DOCK4: variants seen among roughly 807,000 people sequenced by gnomAD.
DOCK4 encodes dedicator of cytokinesis 4, also known as dedicator of cytokinesis protein 4.
Under a neutral mutation model 268.1 loss-of-function variants are expected in DOCK4, and 97 were observed. The ratio of observed to expected loss-of-function variants is 0.36; its 90% CI spans 0.31 to 0.43. The LOEUF (loss-of-function observed/expected upper bound fraction) is 0.43, where lower values mean the gene tolerates loss of function less well. Ranked by LOEUF, DOCK4 falls within the 20% of genes least tolerant of loss-of-function variation. The pLI is 1.00. For missense variants in DOCK4, 2,145 were observed against 2,455.7 expected (o/e 0.87, Z 2.67); for synonymous variants, 954 against 887.2 (o/e 1.08, Z -1.34).
At chr7:111,748,126 G>A (rs1796394768) in intron 42 of DOCK4, among the ~76,000 whole-genome samples, 1 of 152,192 alleles carries the variant, frequency 6.6e-6, no homozygotes, top group African/African-American at 2.4e-5. Context: ...ATGTCATTGG[G>A]ACTGCTATTG....
At chr7:112,148,898 A>G (rs2116366260) in intron 1 of DOCK4, among the ~76,000 whole-genome samples, 1 of 152,302 alleles carries the variant, frequency 6.6e-6, no homozygotes, top group East Asian at 1.9e-4. Context: ...AAAAGAGGTA[A>G]CATGAACCCC....
chr7:111,916,132 A>G (rs1244414528), intron 12 of DOCK4, among the ~76,000 whole-genome samples: 1 of 152,186 alleles, frequency 6.6e-6, no homozygotes, highest in Non-Finnish European at 1.5e-5. Flanking sequence ...GGAGAAAATG[A>G]GCAGAACTCT....
intron 13 of DOCK4, among the ~76,000 whole-genome samples, chr7:111,911,616 C>G (rs74434359): frequency 6.6e-6 from 1 of 152,142 alleles, no homozygotes; most frequent in African/African-American, 2.4e-5. Context: ...GGGACAGAAA[C>G]GAGCCTTATT....
intron 41 of DOCK4, among the ~76,000 whole-genome samples, chr7:111,757,255 G>A (rs1242635132): frequency 1.2e-4 from 18 of 152,054 alleles, no homozygotes; most frequent in Admixed American, 1.2e-3. Flanking sequence ...TAGGGAGATT[G>A]CTGCGCCACT....
chr7:111,873,421 G>A (rs1207928001), intron 17 of DOCK4, among the ~76,000 whole-genome samples: 2 of 152,334 alleles, frequency 1.3e-5, no homozygotes, highest in East Asian at 3.9e-4. Flanking sequence ...CTGAAGGCTC[G>A]CGTGTGCCGA....
chr7:112,066,691 A>ATGTATGTATGTATGTGTG (rs1807053188), intron 1 of DOCK4, among the ~76,000 whole-genome samples: 1 of 6,126 alleles, frequency 1.6e-4, no homozygotes, highest in African/African-American at 3.5e-4. Flanking sequence ...ATACATATAC[A>ATGTATGTATGTATGTGTG]TATATATATA....
intron 1 of DOCK4, among the ~76,000 whole-genome samples, chr7:112,139,135 C>T (rs1814648798): frequency 1.3e-5 from 2 of 152,068 alleles, no homozygotes; most frequent in South Asian, 4.1e-4. Flanking sequence ...AGATAAGAAA[C>T]CGGTAGCTTC....
At chr7:111,756,759 A>AC (rs1465585842) in intron 41 of DOCK4, among the ~76,000 whole-genome samples, 1 of 149,746 alleles carries the variant, frequency 6.7e-6, no homozygotes, top group Admixed American at 6.7e-5. Flanking sequence ...AACCACAACA[A>AC]AAAAAAAAAT....
Position 112,077,876 on chromosome 7 carries a change from A to G in DOCK4, c.38-73745T>C, listed in dbSNP as rs61662262. Among the ~76,000 whole-genome samples the G allele has an allele frequency of 3.7e-3, 557 of 152,260 alleles. 2 individuals are homozygous for G. Among genetic ancestry groups the G allele is most frequent in the African/African-American group, 0.013 (524 of 41,566 alleles). On this transcript the variant is annotated intron_variant, in intron 1 of 52. Coordinates refer to ENST00000428084, the MANE Select transcript of DOCK4 (RefSeq NM_001363540.2). Reference sequence around the variant, plus strand: ...TTAATAGGTTTGCTAAAAATATAATAAATTTAATGTATAAAAGGTAGCTAA... The same window carrying G: ...TTAATAGGTTTGCTAAAAATATAATGAATTTAATGTATAAAAGGTAGCTAA...
At chr7:111,847,541 C>T (rs1804209870) in intron 23 of DOCK4, among the ~76,000 whole-genome samples, 1 of 152,016 alleles carries the variant, frequency 6.6e-6, no homozygotes, top group Non-Finnish European at 1.5e-5. Flanking sequence ...GAATTGTTCC[C>T]ATCATTCCCA....
At chr7:111,744,619 T>A (rs530035593) in intron 44 of DOCK4, among the ~76,000 whole-genome samples, 2 of 152,334 alleles carry the variant, frequency 1.3e-5, no homozygotes, top group African/African-American at 4.8e-5. Flanking sequence ...TCAGGCTGAA[T>A]CCAGCAGATA....
At chr7:112,091,133 T>C (rs1300606624) in intron 1 of DOCK4, among the ~76,000 whole-genome samples, 2 of 152,122 alleles carry the variant, frequency 1.3e-5, no homozygotes, top group African/African-American at 4.8e-5. Flanking sequence ...CCACCAGGGA[T>C]TGTGTACTAG....
chr7:111,949,285 G>A (rs1224647846), intron 8 of DOCK4, among the ~76,000 whole-genome samples: 2 of 152,094 alleles, frequency 1.3e-5, no homozygotes, highest in East Asian at 3.8e-4. Flanking sequence ...AGTCAATAGG[G>A]CATTTTCAAT....
chr7:111,971,545 G>A lies in DOCK4; in HGVS notation c.701+5587C>T, dbSNP rs1797714017. On this transcript the variant is annotated intron_variant, in intron 8 of 52. Transcript: ENST00000428084. ...TAGTTCAATGGGATCCATGTCATGTGCAGTTACCATCAGTTGAGCCTTCTT... is the reference window on the plus strand; with the variant it reads ...TAGTTCAATGGGATCCATGTCATGTACAGTTACCATCAGTTGAGCCTTCTT... The A allele has an allele frequency of 2.1e-5, 4 of 190,346 alleles. No individual in the cohort carries two copies. In the South Asian group the frequency reaches 3.8e-4, roughly 18 times the overall value. The allele number at this position is 190,346 out of a possible 1,614,324, so 11.8% of individuals were successfully genotyped here.
In DOCK4 at chr7:111,863,328, A is replaced by G; in HGVS notation, c.2473+44T>C. 3 of 1,609,276 alleles carry G rather than the reference A, an allele frequency of 1.9e-6. No homozygotes were observed. In the South Asian group the frequency reaches 3.3e-5, roughly 18 times the overall value. ...GACCAATGGCTACAAAATATACAAAATGGCTTTTCAGAGGCACAATTTCCT... is the reference window on the plus strand; with the variant it reads ...GACCAATGGCTACAAAATATACAAAGTGGCTTTTCAGAGGCACAATTTCCT... On this transcript the variant is annotated intron_variant, in intron 23 of 52. Transcript: ENST00000428084.
rs775492748 is a variant in DOCK4 at position 111,782,892 on chromosome 7, T to C, written c.3557A>G (p.Lys1186Arg). 1 of 1,613,658 alleles carries C rather than the reference T, an allele frequency of 6.2e-7. No homozygotes were observed. The highest frequency in any genetic ancestry group is 8.5e-7 in the Non-Finnish European group (1 of 1,179,780). The stretch of plus-strand genomic sequence containing the variant: ...AAGGCTAACTGTGCAGCCAATCTTT[T>C]TGCCATCTACCTCTCCCATTTTCAT... ...DCMKMGEVDG[K>R]KIGCTVSLLN... Residue 1186 changes from lysine to arginine, a missense_variant, in exon 35 of 53, where the codon AAA (lysine) becomes AGA (arginine). Around this residue, in one of 2 missense-constraint regions of DOCK4, gnomAD observed 1,598 missense variants for 1,986.7 expected, o/e 0.80. Transcript: ENST00000428084.
chr7:111,814,382 C>A (rs1471624912), intron 27 of DOCK4, among the ~76,000 whole-genome samples: 1 of 152,236 alleles, frequency 6.6e-6, no homozygotes, highest in Non-Finnish European at 1.5e-5. Flanking sequence ...TGGGTCACAT[C>A]GCCAGAGACT....
At chr7:111,984,280 T>G (rs1798867348) in intron 7 of DOCK4, 26 bp downstream of exon 7, 2 of 1,592,350 alleles carry the variant, frequency 1.3e-6, no homozygotes, top group African/African-American at 2.7e-5. Context: ...GCAGGAAGAC[T>G]GGAAGCCAAG....
intron 1 of DOCK4, among the ~76,000 whole-genome samples, chr7:112,100,324 T>C (rs1563083972): frequency 1.3e-5 from 2 of 152,252 alleles, no homozygotes; most frequent in African/African-American, 4.8e-5. Flanking sequence ...TGAGATTCAC[T>C]GTGGAATAGA....
Sources: gnomAD v4.1 joint callset for allele counts (sites outside exome capture counted in the v4.1 genomes callset) on GRCh38, gnomAD v4.1.1 for gene constraint, gnomAD v4.1.1 regional missense constraint, MANE v1.5 for transcripts, NCBI Gene and HGNC (gene_info 2026-07-23, HGNC 2026-07-21) for gene names.